OSBPL9: variants seen among roughly 807,000 people sequenced by gnomAD.
The protein encoded by OSBPL9 is oxysterol-binding protein-related protein 9.
In OSBPL9, 40 loss-of-function variants were observed where a neutral mutation model predicts 106.6. That is an observed-to-expected ratio of 0.38 (90% confidence interval 0.29 to 0.49). The LOEUF is 0.49. Ranked by LOEUF, OSBPL9 falls within the 20% of genes least tolerant of loss-of-function variation. OSBPL9 has a pLI of 0.97. For missense variants in OSBPL9, 609 were observed against 887.2 expected, an observed-to-expected ratio of 0.69 and a Z score of 3.98; for synonymous variants, 269 against 295.4, an observed-to-expected ratio of 0.91 and a Z score of 0.92.
At chr1:51,747,475 C>T (rs1018433687) in intron 6 of OSBPL9, among the ~76,000 whole-genome samples, 1 of 151,824 alleles carries the variant, frequency 6.6e-6, no homozygotes, top group Non-Finnish European at 1.5e-5. Flanking sequence ...CTGCTATTGT[C>T]CCCCACTTGC....
intron 1 of OSBPL9, among the ~76,000 whole-genome samples, chr1:51,578,516 T>C (rs74970812): frequency 0.026 from 3,908 of 152,266 alleles, 111 homozygotes; most frequent in East Asian, 0.11. Flanking sequence ...AATGACCCTT[T>C]AGTGGTCATT....
intron 1 of OSBPL9, among the ~76,000 whole-genome samples, chr1:51,580,953 TA>T (rs367984280): frequency 0.25 from 647 of 2,612 alleles, 277 homozygotes; most frequent in Non-Finnish European, 0.34. Flanking sequence ...TATATATATA[TA>T]ACTTTTTTGA....
intron 1 of OSBPL9, among the ~76,000 whole-genome samples, chr1:51,590,223 G>A (rs955759538): frequency 6.6e-6 from 1 of 152,032 alleles, no homozygotes; most frequent in Non-Finnish European, 1.5e-5. Flanking sequence ...AAAAGACAAA[G>A]GGAAAGCAGA....
intron 6 of OSBPL9, among the ~76,000 whole-genome samples, chr1:51,747,901 T>G (rs1668367743): frequency 6.6e-6 from 1 of 152,154 alleles, no homozygotes; most frequent in Non-Finnish European, 1.5e-5. Context: ...GCCATTCTCC[T>G]GCCTCAGCCT....
chr1:51,771,985 G>A, intron 12 of OSBPL9, 85 bp from the exon 13 acceptor site: 2 of 941,460 alleles, frequency 2.1e-6, no homozygotes, highest in Non-Finnish European at 3.2e-6. Context: ...ATGCATGCAT[G>A]TAACCAGCTA....
chr1:51,669,605 GCAA>G (rs766260294), intron 3 of OSBPL9, 93 bp downstream of exon 3: 22 of 1,204,996 alleles, frequency 1.8e-5, no homozygotes, highest in Middle Eastern at 1.9e-4. Context: ...GAATGGTTTT[GCAA>G]CTGATCCTGC....
intron 2 of OSBPL9, among the ~76,000 whole-genome samples, chr1:51,608,545 C>G (rs950528121): frequency 6.6e-6 from 1 of 151,794 alleles, no homozygotes; most frequent in African/African-American, 2.4e-5. Context: ...AGGAGTGATC[C>G]ACCCACCTCA....
intron 1 of OSBPL9, among the ~76,000 whole-genome samples, chr1:51,591,760 C>G (rs1183193610): frequency 6.6e-6 from 1 of 151,676 alleles, no homozygotes; most frequent in South Asian, 2.1e-4. Context: ...CCACTGCACT[C>G]CAGCCTGGGC....
At chr1:51,752,638 C>T (rs527939603) in intron 8 of OSBPL9, 99 of 444,696 alleles carry the variant, frequency 2.2e-4, no homozygotes, top group African/African-American at 1.7e-3. Context: ...GCCAGAAGTC[C>T]AAGATCAACA....
At chr1:51,612,229 T>A (rs1029790832), upstream of OSBPL9, among the ~76,000 whole-genome samples, 3 of 152,246 alleles carry the variant, frequency 2.0e-5, no homozygotes, top group Non-Finnish European at 4.4e-5. Context: ...ATTAGCTTTT[T>A]AAAACTCTCT....
At chr1:51,700,903 A>AT (rs1657083974) in intron 3 of OSBPL9, among the ~76,000 whole-genome samples, 1 of 151,666 alleles carries the variant, frequency 6.6e-6, no homozygotes, top group Non-Finnish European at 1.5e-5. Flanking sequence ...TCTAATGGTG[A>AT]TTTTTAACTT....
At chr1:51,613,183 T>C (rs546653513), upstream of OSBPL9, among the ~76,000 whole-genome samples, 3 of 152,338 alleles carry the variant, frequency 2.0e-5, no homozygotes, top group East Asian at 5.8e-4. Context: ...TTCCTGCTGT[T>C]AAGAAGCTAA....
chr1:51,710,404 A>G (rs1054713016), intron 3 of OSBPL9, among the ~76,000 whole-genome samples: 4 of 152,284 alleles, frequency 2.6e-5, no homozygotes, highest in African/African-American at 9.6e-5. Flanking sequence ...CCCCCATAAG[A>G]TATTATTAAA....
At chr1:51,543,393 A>G in the OSBPL9 span, among the ~76,000 whole-genome samples, 1 of 152,038 alleles carries the variant, frequency 6.6e-6, no homozygotes, top group Non-Finnish European at 1.5e-5. Flanking sequence ...TGAGACTCAG[A>G]GAGGTTTTTT....
At chr1:51,572,066 G>A in the OSBPL9 span, among the ~76,000 whole-genome samples, 1 of 152,116 alleles carries the variant, frequency 6.6e-6, no homozygotes, top group Non-Finnish European at 1.5e-5. Context: ...CTCTGGAAAT[G>A]GTTTTCCCTT....
chr1:51,539,187 A>G, the OSBPL9 span, among the ~76,000 whole-genome samples: 1 of 152,188 alleles, frequency 6.6e-6, no homozygotes, highest in Non-Finnish European at 1.5e-5. Flanking sequence ...GGTTTAACAT[A>G]TCTAAAATAG....
chr1:51,698,463 TATATGTGTATGTACACATATGTACAC>T (rs1656554118), intron 3 of OSBPL9, among the ~76,000 whole-genome samples: 1 of 152,136 alleles, frequency 6.6e-6, no homozygotes, highest in African/African-American at 2.4e-5. Context: ...AGTTTATATG[TATATGTGTATGTACACATATGTACAC>T]ATATGTGTGC....
intron 3 of OSBPL9, among the ~76,000 whole-genome samples, chr1:51,690,926 A>G (rs566751711): frequency 4.7e-4 from 71 of 152,354 alleles, no homozygotes; most frequent in Middle Eastern, 3.4e-3. Flanking sequence ...GAGATAGCCT[A>G]TTGTTCCTAG....
the OSBPL9 span, among the ~76,000 whole-genome samples, chr1:51,529,481 G>C: frequency 6.6e-6 from 1 of 152,006 alleles, no homozygotes; most frequent in Non-Finnish European, 1.5e-5. Context: ...CTGACCTCAT[G>C]ATCCACCTGC....
Sources: gnomAD v4.1 joint callset for allele counts (sites outside exome capture counted in the v4.1 genomes callset) on GRCh38, gnomAD v4.1.1 for gene constraint, MANE v1.5 for transcripts, NCBI Gene and HGNC (gene_info 2026-07-23, HGNC 2026-07-21) for gene names.